PLCG1: variants seen among roughly 807,000 people sequenced by gnomAD.
PLCG1 encodes the protein 1-phosphatidylinositol 4,5-bisphosphate phosphodiesterase gamma-1.
A neutral mutation model predicts 177.8 loss-of-function variants in PLCG1; 71 were observed. That is an observed-to-expected ratio of 0.40 (90% confidence interval 0.33 to 0.49). The LOEUF (loss-of-function observed/expected upper bound fraction) is 0.49. Among genes scored for constraint, PLCG1 ranks in the 20% least tolerant of loss-of-function variants. The pLI is 0.72. For synonymous variants in PLCG1, 658 were observed against 647.9 expected (o/e 1.02, Z -0.24); for missense variants, 1,281 against 1,709.0 (o/e 0.75, Z 4.42).
Position 41,165,688 on chromosome 20 carries a change from A to G in PLCG1, c.1661A>G (p.Lys554Arg). 1 of 1,614,014 alleles carries G rather than the reference A, an allele frequency of 6.2e-7. No individual in the cohort carries two copies. Among genetic ancestry groups the G allele is most frequent in the Non-Finnish European group, 8.5e-7 (1 of 1,179,942 alleles). Residue 554 changes from lysine (K) to arginine (R), a missense_variant, in exon 16 of 32, where the codon AAG becomes AGG. Coordinates refer to ENST00000685551, the MANE Select transcript of PLCG1 (RefSeq NM_002660.3). This position sits in a 1 kb window ranked among gnomAD's most constrained non-coding sequence, Gnocchi z 6.6. ...TCCAATGAGAAGTGGTTCCATGGGA[A>G]GCTAGGGGCAGGGCGTGACGGGCGT... ...LHSNEKWFHG[K>R]LGAGRDGRHI... is the part of the protein sequence containing the mutation.
chr20:41,175,322 A>AT lies in PLCG1; in HGVS notation c.*813_*814insT, dbSNP rs2036031866. On this transcript the variant is annotated 3_prime_UTR_variant, in exon 32 of 32. Coordinates refer to ENST00000685551, the MANE Select transcript of PLCG1 (RefSeq NM_002660.3). ...GGGGGCGGGCCAGGGTGGGAAGAGA[A>AT]GAAATAGCAGAGCCTATTTTGGTGA... 6.6e-6 allele frequency: 1 copy of AT among 152,198 alleles called. No individual in the cohort carries two copies. 9.4% of individuals were successfully genotyped at this position (152,198 alleles called of 1,614,324 possible). A position where few individuals can be genotyped will look rare whatever the true frequency, so the allele number is the denominator to read the frequency against.
intron 22 of PLCG1, 89 bp downstream of exon 22, chr20:41,169,264 G>A (rs2035813392): frequency 2.9e-6 from 3 of 1,049,792 alleles, no homozygotes; most frequent in African/African-American, 3.1e-5. Flanking sequence ...GCACGCACGT[G>A]CATGCACAGA....
Position 41,164,011 on chromosome 20 carries a change from G to A in PLCG1, c.1096+5G>A. The A allele has an allele frequency of 1.2e-6, 2 of 1,614,186 alleles. No homozygotes were observed. Among genetic ancestry groups the A allele is most frequent in the Non-Finnish European group, 1.7e-6 (2 of 1,180,022 alleles). On this transcript the variant is annotated splice_donor_5th_base_variant and intron_variant, in intron 11 of 31. Coordinates refer to ENST00000685551, the MANE Select transcript of PLCG1 (RefSeq NM_002660.3). The surrounding 1 kb of genome is among the most constrained non-coding windows in gnomAD (Gnocchi z 6.4). ...TGGGCTGTCGCTGCATTGAGTGTGCGTGGGGTCCAGGGCTGGGGGAGGGAA... is the reference window on the plus strand; with the variant it reads ...TGGGCTGTCGCTGCATTGAGTGTGCATGGGGTCCAGGGCTGGGGGAGGGAA...
intron 24 of PLCG1, 56 bp downstream of exon 24, chr20:41,170,325 A>G (rs749573887): frequency 6.3e-7 from 1 of 1,596,980 alleles, no homozygotes; most frequent in Non-Finnish European, 8.6e-7. Context: ...CAGGCAGCTG[A>G]GGCCTCCAGC....
At chr20:41,168,953 G>C in intron 21 of PLCG1, 83 bp downstream of exon 21, 1 of 1,144,592 alleles carries the variant, frequency 8.7e-7, no homozygotes, top group Non-Finnish European at 1.3e-6. Flanking sequence ...TGATGTGCTT[G>C]TCTCCTGTGT....
Position 41,163,323 on chromosome 20 carries a change from G to A in PLCG1, c.789+48G>A, listed in dbSNP as rs761876291. On this transcript the variant is annotated intron_variant, in intron 8 of 31. Coordinates refer to ENST00000685551, the MANE Select transcript of PLCG1 (RefSeq NM_002660.3). This position sits in a 1 kb window ranked among gnomAD's most constrained non-coding sequence, Gnocchi z 5.2. ...CCAGGCTGGTAGGTTGTGGGGGGCTGGGCTCATCCCTGACTGGAGGCTTCT... is the reference window on the plus strand; with the variant it reads ...CCAGGCTGGTAGGTTGTGGGGGGCTAGGCTCATCCCTGACTGGAGGCTTCT... 14 of 1,598,976 alleles carry A rather than the reference G, an allele frequency of 8.8e-6. No homozygotes were observed. Among genetic ancestry groups the A allele is most frequent in the South Asian group, 1.1e-5 (1 of 90,364 alleles).
intron 4 of PLCG1, 144 bp from the exon 5 acceptor site, chr20:41,162,308 T>A: frequency 2.7e-6 from 1 of 367,740 alleles, no homozygotes; most frequent in Non-Finnish European, 5.2e-6. Flanking sequence ...CCTCACCCCA[T>A]GGGTTCTGAT....
In PLCG1 at chr20:41,166,867, G is replaced by C. The variant is rs2035712896; in HGVS notation, c.2301+8G>C. On this transcript the variant is annotated splice_region_variant and intron_variant, in intron 19 of 31. Coordinates refer to ENST00000685551, the MANE Select transcript of PLCG1 (RefSeq NM_002660.3). The surrounding 1 kb of genome is among the most constrained non-coding windows in gnomAD (Gnocchi z 8.6). ...GAGAAGATTGGCACAGCTGTGAGGG[G>C]GCTGTGGTAGACGGGGCATGGCAGG... The C allele has an allele frequency of 6.2e-7, 1 of 1,612,590 alleles. No homozygotes were observed. Among genetic ancestry groups the C allele is most frequent in the African/African-American group, 1.3e-5 (1 of 74,898 alleles).
At chr20:41,162,593 A>G in intron 5 of PLCG1, 49 bp from the exon 6 acceptor site, 1 of 1,607,814 alleles carries the variant, frequency 6.2e-7, no homozygotes, top group Non-Finnish European at 8.5e-7. Flanking sequence ...AGAGCCCTTC[A>G]GCTGGGGGCC....
intron 22 of PLCG1, 92 bp downstream of exon 22, chr20:41,169,267 TGCACAGACACCTGTCACATGGGCTGGTC>T: frequency 9.7e-7 from 1 of 1,030,934 alleles, no homozygotes; most frequent in Non-Finnish European, 1.5e-6. Flanking sequence ...CGCACGTGCA[TGCACAGACACCTGTCACATGGGCTGGTC>T]GCACAGCCCA....
rs1311849700 is a variant in PLCG1, at chr20:41,164,626, T to C, written c.1218-307T>C. Among the ~76,000 whole-genome samples, 3 of 152,148 alleles carry C rather than the reference T, an allele frequency of 2.0e-5. No individual in the cohort carries two copies. The highest frequency in any genetic ancestry group is 3.9e-4 in the East Asian group (2 of 5,176). On this transcript the variant is annotated intron_variant, in intron 12 of 31. Coordinates refer to ENST00000685551, the MANE Select transcript of PLCG1 (RefSeq NM_002660.3). The surrounding 1 kb of genome is among the most constrained non-coding windows in gnomAD (Gnocchi z 6.4). ...CTTAGCTCACCAGGGCTCTAACAGC[T>C]AACTTTGGAGGCTTCTCCTCTCTCC... is the stretch of plus-strand genomic sequence containing the variant.
chr20:41,162,406 C>T (rs1481063077), intron 4 of PLCG1, 46 bp from the exon 5 acceptor site: 7 of 1,472,974 alleles, frequency 4.8e-6, no homozygotes, highest in Admixed American at 1.7e-5. Context: ...GGTCAGAGGT[C>T]ATGAGAAGCT....
In PLCG1 at chr20:41,163,958, T is replaced by C; in HGVS notation, c.1048T>C (p.Leu350=). ...TGDQFSSESS[L]EAYARCLRMG... ...GGACCAGTTCTCCAGTGAGTCCTCCTTGGAAGCCTATGCTCGCTGCCTGCG... is the reference window on the plus strand; with the variant it reads ...GGACCAGTTCTCCAGTGAGTCCTCCCTGGAAGCCTATGCTCGCTGCCTGCG... Residue 350 remains leucine (L), a synonymous_variant, in exon 11 of 32, where the codon TTG becomes CTG. Coordinates refer to ENST00000685551, the MANE Select transcript of PLCG1 (RefSeq NM_002660.3). This position sits in a 1 kb window ranked among gnomAD's most constrained non-coding sequence, Gnocchi z 5.2. 2.5e-6 allele frequency: 4 copies of C among 1,614,182 alleles called. No individual in the cohort carries two copies. The South Asian group carries it at 4.4e-5, about 18-fold the overall frequency.
In PLCG1 at chr20:41,164,909, C is replaced by G. The variant is rs370891534; in HGVS notation, c.1218-24C>G. ...CCAGAGAATTGCAGAATCTGTTTCACTGTGCTTGTCCCCCATCCCGCAGGT... is the reference window on the plus strand; with the variant it reads ...CCAGAGAATTGCAGAATCTGTTTCAGTGTGCTTGTCCCCCATCCCGCAGGT... On this transcript the variant is annotated intron_variant, in intron 12 of 31. Coordinates refer to ENST00000685551, the MANE Select transcript of PLCG1 (RefSeq NM_002660.3). This position sits in a 1 kb window ranked among gnomAD's most constrained non-coding sequence, Gnocchi z 6.4. The G allele has an allele frequency of 8.1e-6, 13 of 1,606,134 alleles. No individual in the cohort carries two copies. The highest frequency in any genetic ancestry group is 6.7e-5 in the South Asian group (6 of 90,166).
intron 24 of PLCG1, among the ~76,000 whole-genome samples, chr20:41,171,395 T>C (rs1003522155): frequency 6.6e-6 from 1 of 152,060 alleles, no homozygotes; most frequent in African/African-American, 2.4e-5. Flanking sequence ...GAGACCAGCC[T>C]GGCCAATATG....
Position 41,165,810 on chromosome 20 carries a change from T to C in PLCG1, c.1783T>C (p.Tyr595His), listed in dbSNP as rs1402027391. Reference sequence around the variant, plus strand: ...AGAGAGTGAGACCTTCGTGGGCGACTACACGCTCTCTTTCTGGTAACACTT... The same window carrying C: ...AGAGAGTGAGACCTTCGTGGGCGACCACACGCTCTCTTTCTGGTAACACTT... ...VRESETFVGD[Y>H]TLSFWRNGKV... is the part of the protein sequence containing the mutation. Residue 595 changes from tyrosine to histidine, a missense_variant, in exon 16 of 32, where the codon TAC becomes CAC. Around this residue, in one of 4 missense-constraint regions of PLCG1, gnomAD observed 723 missense variants for 1,030.0 expected, o/e 0.70. Transcript: ENST00000685551. This position sits in a 1 kb window ranked among gnomAD's most constrained non-coding sequence, Gnocchi z 6.6. 6.9e-6 allele frequency: 11 copies of C among 1,589,286 alleles called. No homozygotes were observed. The highest frequency in any genetic ancestry group is 9.4e-6 in the Non-Finnish European group (11 of 1,164,210).
At chr20:41,162,299 C>T (rs1449623302) in intron 4 of PLCG1, 153 bp from the exon 5 acceptor site, 4 of 392,510 alleles carry the variant, frequency 1.0e-5, no homozygotes, top group East Asian at 6.9e-5. Context: ...AGGGACTAAC[C>T]TCACCCCATG....
intron 1 of PLCG1, among the ~76,000 whole-genome samples, chr20:41,152,062 G>A (rs1446717921): frequency 2.0e-5 from 3 of 152,182 alleles, no homozygotes; most frequent in African/African-American, 7.2e-5. Flanking sequence ...GCATCCTCTG[G>A]TGGAGAAGGC....
Position 41,172,365 on chromosome 20 carries a change from C to T in PLCG1, c.2906-56C>T. 6.3e-7 allele frequency: 1 copy of T among 1,577,896 alleles called. No homozygotes were observed. Among genetic ancestry groups the T allele is most frequent in the South Asian group, 1.1e-5 (1 of 90,406 alleles). On this transcript the variant is annotated intron_variant, in intron 25 of 31. Coordinates refer to ENST00000685551, the MANE Select transcript of PLCG1 (RefSeq NM_002660.3). The surrounding 1 kb of genome is among the most constrained non-coding windows in gnomAD (Gnocchi z 7.0). ...GGTGCAAAAAGAGTATTTAGGTATC[C>T]CCCCAACACTTCCTGGGTGGGCGGG...
Sources: gnomAD v4.1 joint callset for allele counts (sites outside exome capture counted in the v4.1 genomes callset) on GRCh38, gnomAD v4.1.1 for gene constraint, gnomAD v4.1.1 regional missense constraint, Gnocchi (gnomAD v3.1) non-coding constraint, MANE v1.5 for transcripts, NCBI Gene and HGNC (gene_info 2026-07-23, HGNC 2026-07-21) for gene names.